Variants in FCGR2A observed in about 807,000 individuals in gnomAD.
The protein encoded by FCGR2A is low affinity immunoglobulin gamma Fc region receptor II-a.
In FCGR2A, 18 loss-of-function variants were observed where a neutral mutation model predicts 29.3. That is an observed-to-expected ratio of 0.62 (90% CI 0.43 to 0.91). The LOEUF (loss-of-function observed/expected upper bound fraction) is 0.91. Among genes scored for constraint, FCGR2A ranks in the 40% least tolerant of loss-of-function variants. The pLI, the probability that FCGR2A is intolerant of heterozygous loss-of-function variation, is 0.00. For missense variants in FCGR2A, 287 were observed against 393.0 expected (o/e 0.73, Z 2.28); for synonymous variants, 126 against 144.8 (o/e 0.87, Z 0.93).
chr1:161,524,036 CT>C (rs1676577185), downstream of FCGR2A: 1 of 157,002 alleles, frequency 6.4e-6, no homozygotes, highest in African/African-American at 2.4e-5. Context: ...CAAGATAAAA[CT>C]GTTTTAAGAT....
intron 6 of FCGR2A, 119 bp downstream of exon 6, chr1:161,514,051 C>T: frequency 7.3e-7 from 1 of 1,378,890 alleles, no homozygotes. Flanking sequence ...AACTCCTGAG[C>T]AAACAAAGCC....
intron 5 of FCGR2A, among the ~76,000 whole-genome samples, chr1:161,512,488 G>A (rs1675864211): frequency 6.7e-6 from 1 of 149,560 alleles, no homozygotes; most frequent in African/African-American, 2.4e-5. Context: ...TCCCTGATGG[G>A]GTTCAGTCTC....
rs1676269498 is a variant in FCGR2A at position 161,518,333 on chromosome 1, T to C, written c.*185T>C. On this transcript the variant is annotated 3_prime_UTR_variant, in exon 7 of 7. Transcript: ENST00000271450. ...ACACAAGCAAAACTTCACGGGGTCA[T>C]ACTACATACAAGCATAAGCAAAACT... 4 of 930,910 alleles carry C rather than the reference T, an allele frequency of 4.3e-6. No individual in the cohort carries two copies. Among genetic ancestry groups the C allele is most frequent in the Non-Finnish European group, 6.3e-6 (4 of 631,806 alleles). 57.7% of individuals were successfully genotyped at this position (930,910 alleles called of 1,614,324 possible).
intron 6 of FCGR2A, among the ~76,000 whole-genome samples, chr1:161,515,458 G>A (rs879950194): frequency 3.3e-5 from 5 of 151,898 alleles, no homozygotes; most frequent in African/African-American, 4.8e-5. Flanking sequence ...GATAAACTAG[G>A]TGTCTCGTTA....
At chr1:161,522,263 A>C (rs1676482946), downstream of FCGR2A, among the ~76,000 whole-genome samples, 2 of 152,134 alleles carry the variant, frequency 1.3e-5, no homozygotes, top group Admixed American at 6.5e-5. Context: ...TCTTTTAGAA[A>C]AAACAAACAA....
intron 1 of FCGR2A, 27 bp downstream of exon 1, chr1:161,505,579 G>C: frequency 1.3e-6 from 2 of 1,568,564 alleles, no homozygotes; most frequent in Non-Finnish European, 1.8e-6. Flanking sequence ...CTGAAATGGG[G>C]CAATTTCAGA....
intron 5 of FCGR2A, among the ~76,000 whole-genome samples, chr1:161,511,784 A>G (rs567174444): frequency 6.6e-6 from 1 of 152,320 alleles, no homozygotes; most frequent in African/African-American, 2.4e-5. Context: ...GGAGACCCTG[A>G]GTGCAGGGAA....
chr1:161,506,091 A>C, intron 2 of FCGR2A, 84 bp downstream of exon 2: 1 of 1,419,534 alleles, frequency 7.0e-7, no homozygotes, highest in Non-Finnish European at 1.0e-6. Context: ...GCGGGGGGGT[A>C]TGTCTATTCC....
At chr1:161,520,839 T>A (rs1676425034), downstream of FCGR2A, among the ~76,000 whole-genome samples, 1 of 152,116 alleles carries the variant, frequency 6.6e-6, no homozygotes, top group African/African-American at 2.4e-5. Flanking sequence ...GAGTAAAGGC[T>A]AGAGCTTTTC....
chr1:161,520,954 C>G (rs574349223), downstream of FCGR2A, among the ~76,000 whole-genome samples: 1 of 151,404 alleles, frequency 6.6e-6, no homozygotes, highest in Non-Finnish European at 1.5e-5. Context: ...CTTCCTTGAA[C>G]GTGCCAATTA....
Position 161,505,572 on chromosome 1 carries a change from A to G in FCGR2A, c.85+20A>G, listed in dbSNP as rs745534149. ...TGCTGGGTGAGTGAGGGTCATTCTG[A>G]AATGGGGCAATTTCAGACACTCCTA... On this transcript the variant is annotated intron_variant, in intron 1 of 6. Transcript: ENST00000271450. 3.1e-5 allele frequency: 50 copies of G among 1,597,444 alleles called. No homozygotes were observed. The South Asian group carries it at 5.1e-4, about 16-fold the overall frequency.
intron 6 of FCGR2A, among the ~76,000 whole-genome samples, chr1:161,514,239 T>A: frequency 6.6e-6 from 1 of 151,614 alleles, no homozygotes; most frequent in Non-Finnish European, 1.5e-5. Flanking sequence ...AACATAATTA[T>A]GTGACTAAGA....
chr1:161,505,611 A>G (rs1675336016), intron 1 of FCGR2A, 59 bp downstream of exon 1: 1 of 1,366,652 alleles, frequency 7.3e-7, no homozygotes, highest in Non-Finnish European at 1.0e-6. Context: ...CCTGGACTCC[A>G]GGTACCAGTG....
intron 3 of FCGR2A, among the ~76,000 whole-genome samples, chr1:161,508,737 G>C (rs1030872807): frequency 6.6e-6 from 1 of 151,854 alleles, no homozygotes; most frequent in African/African-American, 2.4e-5. Flanking sequence ...TTTGTCCTCC[G>C]AGGTAGCTGA....
rs754079714 is a variant in FCGR2A, at chr1:161,509,786, T to C, written c.365-34T>C. ...CTGAAAAACCCTTGGAATCTATCCT[T>C]ACAACTTTTTCTTATCATATTTGTG... is the stretch of plus-strand genomic sequence containing the variant. On this transcript the variant is annotated intron_variant, in intron 3 of 6. Coordinates refer to ENST00000271450, the MANE Select transcript of FCGR2A (RefSeq NM_001136219.3). 4 of 1,613,274 alleles carry C rather than the reference T, an allele frequency of 2.5e-6. No homozygotes were observed. In the East Asian group the frequency reaches 8.9e-5, roughly 36 times the overall value.
At chr1:161,517,932 G>A (rs768284658) in intron 6 of FCGR2A, 43 bp from the exon 7 acceptor site, 18 of 1,493,324 alleles carry the variant, frequency 1.2e-5, no homozygotes, top group Middle Eastern at 3.4e-4. Context: ...TTACCTCCCC[G>A]GTGTATTGAA....
intron 2 of FCGR2A, 94 bp downstream of exon 2, chr1:161,506,101 CA>C: frequency 7.3e-7 from 1 of 1,377,878 alleles, no homozygotes; most frequent in Non-Finnish European, 1.0e-6. Context: ...ATGTCTATTC[CA>C]CTGAAAATCA....
At chr1:161,511,863 C>T (rs1441853746) in intron 5 of FCGR2A, among the ~76,000 whole-genome samples, 2 of 152,202 alleles carry the variant, frequency 1.3e-5, no homozygotes, top group African/African-American at 4.8e-5. Context: ...GATGGCTCAC[C>T]AGGGCTGCCG....
chr1:161,509,724 C>T (rs1675635933), intron 3 of FCGR2A, 96 bp from the exon 4 acceptor site: 7 of 1,477,338 alleles, frequency 4.7e-6, no homozygotes, highest in Non-Finnish European at 5.6e-6. Context: ...GTCTGCCAGA[C>T]ATCATGTCAA....
Sources: allele counts gnomAD v4.1 joint callset (sites outside exome capture counted in the v4.1 genomes callset), GRCh38; gene constraint gnomAD v4.1.1; transcripts MANE v1.5; gene names NCBI Gene and HGNC (gene_info 2026-07-23, HGNC 2026-07-21).